DOCK5: variants seen among roughly 807,000 people sequenced by gnomAD.
DOCK5 encodes the protein dedicator of cytokinesis protein 5.
In DOCK5, 142 loss-of-function variants were observed where a neutral mutation model predicts 251.8. The ratio of observed to expected loss-of-function variants is 0.56; its 90% CI spans 0.49 to 0.65. The LOEUF (loss-of-function observed/expected upper bound fraction) is 0.65. Among genes scored for constraint, DOCK5 ranks in the 30% least tolerant of loss-of-function variants. The probability of loss-of-function intolerance (pLI) is 0.00; values close to 1 mark genes in which losing one functional copy is unlikely to be tolerated. For synonymous variants in DOCK5, 842 were observed against 835.5 expected (o/e 1.01, Z -0.13); for missense variants, 2,111 against 2,312.3 (o/e 0.91, Z 1.79).
chr8:25,242,106 A>T (rs1203816077), intron 1 of DOCK5, among the ~76,000 whole-genome samples: 2 of 152,270 alleles, frequency 1.3e-5, no homozygotes, highest in South Asian at 2.1e-4. Context: ...TACCTATGTA[A>T]CAAACCTGCA....
intron 3 of DOCK5, among the ~76,000 whole-genome samples, chr8:25,272,823 C>A (rs909818900): frequency 5.3e-5 from 8 of 152,170 alleles, no homozygotes; most frequent in Non-Finnish European, 1.0e-4. Context: ...TTTCATCTTT[C>A]CAAACTAAAA....
intron 1 of DOCK5, among the ~76,000 whole-genome samples, chr8:25,212,673 G>T (rs1410916118): frequency 1.4e-5 from 1 of 70,456 alleles, no homozygotes; most frequent in Admixed American, 1.6e-4. Context: ...ATCTGAAGTA[G>T]CTAGAGAGTG....
At chr8:25,282,084 CT>C (rs1280184765) in intron 5 of DOCK5, among the ~76,000 whole-genome samples, 1 of 152,164 alleles carries the variant, frequency 6.6e-6, no homozygotes, top group Non-Finnish European at 1.5e-5. Context: ...TGCTTCTGCT[CT>C]TGATACATGC....
intron 26 of DOCK5, among the ~76,000 whole-genome samples, chr8:25,349,915 A>G (rs1248593061): frequency 6.6e-6 from 1 of 152,210 alleles, no homozygotes; most frequent in East Asian, 1.9e-4. Context: ...AACTATTGAA[A>G]TCAAAAAGAA....
intron 1 of DOCK5, among the ~76,000 whole-genome samples, chr8:25,224,153 C>T (rs930072066): frequency 2.0e-5 from 3 of 152,286 alleles, no homozygotes; most frequent in East Asian, 1.9e-4. Flanking sequence ...GAGTCTTGCT[C>T]TCTTGCCCAG....
At chr8:25,255,063 C>A (rs73558471) in intron 2 of DOCK5, among the ~76,000 whole-genome samples, 4,799 of 152,180 alleles carry the variant, frequency 0.032, 286 homozygotes, top group African/African-American at 0.11. Context: ...CCAAATGCTG[C>A]CAAGGATGTG....
intron 14 of DOCK5, among the ~76,000 whole-genome samples, chr8:25,317,574 TG>T (rs1359078496): frequency 3.9e-5 from 6 of 152,166 alleles, no homozygotes; most frequent in Non-Finnish European, 7.3e-5. Context: ...GGAAGAGCCC[TG>T]GGGTAGGCAT....
At chr8:25,249,267 T>C (rs972850335) in intron 2 of DOCK5, among the ~76,000 whole-genome samples, 1 of 152,106 alleles carries the variant, frequency 6.6e-6, no homozygotes, top group African/African-American at 2.4e-5. Context: ...TCCCAGAGTA[T>C]AGGGATTACA....
intron 5 of DOCK5, among the ~76,000 whole-genome samples, chr8:25,287,659 A>G (rs917913826): frequency 1.3e-5 from 2 of 152,106 alleles, no homozygotes; most frequent in African/African-American, 4.8e-5. Context: ...TTGAGTCCCT[A>G]TTGTGTTCCA....
rs1470841092 is a variant in DOCK5 at position 25,319,565 on chromosome 8, C to T, written c.1444-13C>T. ...AAAATTATTCCCTTCTAATTTTTTC[C>T]TTCCATCTGAAGAAAGCAATTCACC... On this transcript the variant is annotated splice_polypyrimidine_tract_variant and intron_variant, in intron 14 of 51. Coordinates refer to ENST00000276440, the MANE Select transcript of DOCK5 (RefSeq NM_024940.8). 1.9e-6 allele frequency: 3 copies of T among 1,555,772 alleles called. No individual in the cohort carries two copies. The Admixed American group carries it at 5.8e-5, about 30-fold the overall frequency.
At chr8:25,344,807 AAAGAT>A (rs1800327547) in intron 25 of DOCK5, among the ~76,000 whole-genome samples, 1 of 152,242 alleles carries the variant, frequency 6.6e-6, no homozygotes, top group African/African-American at 2.4e-5. Context: ...TTGAGATAGT[AAAGAT>A]AAGGTGTTTG....
intron 28 of DOCK5, among the ~76,000 whole-genome samples, chr8:25,362,018 GATT>G: frequency 6.6e-6 from 1 of 152,314 alleles, no homozygotes; most frequent in East Asian, 1.9e-4. Flanking sequence ...TTTCAACTCT[GATT>G]GTTCTATTTC....
Position 25,408,118 on chromosome 8 carries a change from G to A in DOCK5, c.5229G>A (p.Gln1743=). 1 of 1,597,794 alleles carries A rather than the reference G, an allele frequency of 6.3e-7. No individual in the cohort carries two copies. Among genetic ancestry groups the A allele is most frequent in the Non-Finnish European group, 8.5e-7 (1 of 1,172,100 alleles). The change falls in exon 49 of 52, where the codon CAG becomes CAA. Residue 1743 remains glutamine (Q), a synonymous_variant. Coordinates refer to ENST00000276440, the MANE Select transcript of DOCK5 (RefSeq NM_024940.8). ...AAGACTGGAGTCTGAGCAAGTCCCAGGTCATTGCAGAGAAAGCACCAGAAC... is the reference window on the plus strand; with the variant it reads ...AAGACTGGAGTCTGAGCAAGTCCCAAGTCATTGCAGAGAAAGCACCAGAAC... ...KRKDWSLSKS[Q]VIAEKAPEPD... is the part of the protein sequence containing the mutation.
chr8:25,408,374 CACAATGTAA>C (rs1386114626), intron 49 of DOCK5, among the ~76,000 whole-genome samples: 2 of 152,120 alleles, frequency 1.3e-5, no homozygotes, highest in Non-Finnish European at 2.9e-5. Flanking sequence ...ATCTTGTACC[CACAATGTAA>C]ACATGTGGGT....
chr8:25,354,808 A>G (rs1800539398), intron 27 of DOCK5, among the ~76,000 whole-genome samples: 2 of 152,254 alleles, frequency 1.3e-5, no homozygotes, highest in South Asian at 2.1e-4. Context: ...AAAAAGCCTT[A>G]TAATTTTCTT....
intron 37 of DOCK5, chr8:25,376,133 A>G (rs1333848709): frequency 8.2e-6 from 8 of 971,042 alleles, no homozygotes; most frequent in East Asian, 2.3e-4. Flanking sequence ...AACCTACTGT[A>G]TATAGCTTAG....
chr8:25,205,137 A>G (rs1233163718), intron 1 of DOCK5, among the ~76,000 whole-genome samples: 2 of 152,060 alleles, frequency 1.3e-5, no homozygotes, highest in African/African-American at 2.4e-5. Context: ...GCCTCAAGCA[A>G]TCCTCCCACC....
intron 1 of DOCK5, among the ~76,000 whole-genome samples, chr8:25,232,633 G>A (rs1469751540): frequency 6.6e-6 from 1 of 152,134 alleles, no homozygotes; most frequent in East Asian, 1.9e-4. Flanking sequence ...GGGCAAGTGA[G>A]CTCTCTGGGG....
At position 25,209,266 on chromosome 8, in the gene DOCK5, T is replaced by C. The variant is rs1586230103; in HGVS notation, c.43+24315T>C. Among the ~76,000 whole-genome samples the C allele has an allele frequency of 6.3e-5, 2 of 31,652 alleles. 1 individual carries two copies. 20.8% of individuals were successfully genotyped at this position (31,652 alleles called of 152,430 possible). A position where few individuals can be genotyped will look rare whatever the true frequency, so the allele number is the denominator to read the frequency against. On this transcript the variant is annotated intron_variant, in intron 1 of 51. Coordinates refer to ENST00000276440, the MANE Select transcript of DOCK5 (RefSeq NM_024940.8). ...GAAGGGGAAAGTCATGCATGGCGGG[T>C]CTTGCCCGAGGCTCAGGCAGACACA...
Sources: allele counts gnomAD v4.1 joint callset (sites outside exome capture counted in the v4.1 genomes callset), GRCh38; gene constraint gnomAD v4.1.1; transcripts MANE v1.5; gene names NCBI Gene and HGNC (gene_info 2026-07-23, HGNC 2026-07-21).